The following DMGDH variants were observed in gnomAD, a reference collection of about 807,000 sequenced individuals.
DMGDH encodes the protein dimethylglycine dehydrogenase, also known as dimethylglycine dehydrogenase, mitochondrial.
DMGDH carries 76 observed loss-of-function variants against 95.2 expected under a neutral mutation model. That is an observed-to-expected ratio of 0.80 (90% confidence interval 0.66 to 0.97). The LOEUF (loss-of-function observed/expected upper bound fraction) is 0.97, where lower values mean the gene tolerates loss of function less well. Among genes scored for constraint, DMGDH ranks in the 50% least tolerant of loss-of-function variants. The pLI is 0.00. For synonymous variants in DMGDH, 345 were observed against 377.6 expected (o/e 0.91, Z 1.00); for missense variants, 987 against 1,055.0 (o/e 0.94, Z 0.89).
intron 14 of DMGDH, among the ~76,000 whole-genome samples, chr5:79,010,544 GTGA>G (rs891900262): frequency 6.6e-6 from 1 of 152,082 alleles, no homozygotes; most frequent in Admixed American, 6.6e-5. Context: ...TATACAATTG[GTGA>G]TGATGGAATG....
At chr5:79,011,797 C>T (rs1197891874) in intron 14 of DMGDH, among the ~76,000 whole-genome samples, 2 of 152,134 alleles carry the variant, frequency 1.3e-5, no homozygotes, top group African/African-American at 4.8e-5. Flanking sequence ...AACTCACTCA[C>T]TATTGCGAGG....
At chr5:79,020,123 T>G (rs978123081) in intron 14 of DMGDH, among the ~76,000 whole-genome samples, 1 of 152,216 alleles carries the variant, frequency 6.6e-6, no homozygotes, top group African/African-American at 2.4e-5. Flanking sequence ...TTCAGCCAGT[T>G]GAAAATCTTT....
chr5:79,005,451 CTG>C, intron 14 of DMGDH, 44 bp from the exon 15 acceptor site: 6 of 1,613,436 alleles, frequency 3.7e-6, no homozygotes, highest in Non-Finnish European at 5.1e-6. Flanking sequence ...TGCTCAGACA[CTG>C]TGACAAGGTT....
In DMGDH at chr5:79,033,302, T is replaced by A. The variant is rs373384566; in HGVS notation, c.1300A>T (p.Lys434Ter). ...TCAGTGTACTGGGTTGTTGTCCATTTGCCATAGCGATTAGGATCCAATTCT... is the reference window on the plus strand; with the variant it reads ...TCAGTGTACTGGGTTGTTGTCCATTAGCCATAGCGATTAGGATCCAATTCT... ...LIELDPNRYGKWTTTQYTEAK... is the reference protein window; with the variant it reads ...LIELDPNRYG Residue 434 changes from lysine (K) to a stop codon, truncating the protein, a stop_gained, in exon 8 of 16, where the codon AAA becomes TAA. Transcript: ENST00000255189. LOFTEE classifies it high-confidence loss of function. 202 of 1,614,060 alleles carry A rather than the reference T, an allele frequency of 1.3e-4. No individual in the cohort carries two copies. The highest frequency in any genetic ancestry group is 1.7e-4 in the Non-Finnish European group (200 of 1,180,032).
Position 79,044,510 on chromosome 5 carries a change from T to A in DMGDH, c.788A>T (p.His263Leu). 1 of 1,614,080 alleles carries A rather than the reference T, an allele frequency of 6.2e-7. No individual in the cohort carries two copies. The highest frequency in any genetic ancestry group is 8.5e-7 in the Non-Finnish European group (1 of 1,179,932). ...TTGATGTTGAACCGGAATGAGAGGA[T>A]GTTCTAGTCCAATCATTTTACCTAC... ...REVGKMIGLE[H>L]PLIPVQHQYV... is the part of the protein sequence containing the mutation. Residue 263 changes from histidine (H) to leucine (L), a missense_variant, in exon 6 of 16, where the codon CAT becomes CTT. His to Leu is a moderately conservative substitution (Grantham distance 99). Transcript: ENST00000255189.
At chr5:79,056,029 T>C (rs575556555) in intron 2 of DMGDH, 121 bp from the exon 3 acceptor site, 390 of 712,710 alleles carry the variant, frequency 5.5e-4, no homozygotes, top group Non-Finnish European at 8.8e-4. Context: ...AGCCAGTCCT[T>C]TGGGATGAGA....
At chr5:79,020,526 T>G (rs1224018145) in intron 14 of DMGDH, 1 of 276,564 alleles carries the variant, frequency 3.6e-6, no homozygotes, top group Admixed American at 6.5e-5. Context: ...ACACCTGGGG[T>G]GTGGAAGGCT....
At chr5:79,005,948 T>C (rs2112599942) in intron 14 of DMGDH, among the ~76,000 whole-genome samples, 1 of 152,270 alleles carries the variant, frequency 6.6e-6, no homozygotes, top group South Asian at 2.1e-4. Flanking sequence ...ATTGAGCCCC[T>C]ACTATGTGTG....
intron 10 of DMGDH, 34 bp downstream of exon 10, chr5:79,030,799 A>T (rs761736291): frequency 1.2e-6 from 2 of 1,610,962 alleles, no homozygotes; most frequent in Non-Finnish European, 1.7e-6. Context: ...ATAGGTCAGA[A>T]TCCTGGACCT....
intron 7 of DMGDH, among the ~76,000 whole-genome samples, chr5:79,041,905 C>T (rs1429710111): frequency 6.6e-6 from 1 of 152,160 alleles, no homozygotes; most frequent in Non-Finnish European, 1.5e-5. Context: ...GAGGCTGAGG[C>T]AGGAGAATCG....
intron 13 of DMGDH, among the ~76,000 whole-genome samples, chr5:79,024,817 A>G (rs1015924723): frequency 6.6e-6 from 1 of 152,266 alleles, no homozygotes; most frequent in Non-Finnish European, 1.5e-5. Context: ...GTATCTCTTC[A>G]AATGTGGCCA....
chr5:79,050,521 C>T (rs1754823607), intron 5 of DMGDH, among the ~76,000 whole-genome samples: 1 of 152,100 alleles, frequency 6.6e-6, no homozygotes, highest in South Asian at 2.1e-4. Flanking sequence ...CCAGTTTAGA[C>T]TGCACAAGCA....
rs776143222 is a variant in DMGDH at position 79,024,245 on chromosome 5, A to G, written c.2250+26T>C. On this transcript the variant is annotated intron_variant, in intron 14 of 15. Coordinates refer to ENST00000255189, the MANE Select transcript of DMGDH (RefSeq NM_013391.3). Reference sequence around the variant, plus strand: ...GCATCATAATGTTAAGATTTACTTCAAGCACACTTTGGAATGTAAACATAC... The same window carrying G: ...GCATCATAATGTTAAGATTTACTTCGAGCACACTTTGGAATGTAAACATAC... 6.2e-6 allele frequency: 10 copies of G among 1,603,394 alleles called. No individual in the cohort carries two copies. The South Asian group carries it at 1.1e-4, about 18-fold the overall frequency.
intron 5 of DMGDH, among the ~76,000 whole-genome samples, chr5:79,047,105 T>C (rs2112652458): frequency 1.3e-5 from 2 of 152,264 alleles, no homozygotes; most frequent in South Asian, 4.1e-4. Flanking sequence ...AACCTAAATC[T>C]AGCTAGAGTT....
At chr5:79,034,885 G>A (rs1346503767) in intron 7 of DMGDH, among the ~76,000 whole-genome samples, 1 of 151,436 alleles carries the variant, frequency 6.6e-6, no homozygotes. Context: ...GTGAAACCCC[G>A]TTTCTACTAA....
rs760922654 is a variant in DMGDH, at chr5:79,051,398, G to A, written c.634C>T (p.Leu212Phe). 4 of 1,614,094 alleles carry A rather than the reference G, an allele frequency of 2.5e-6. No individual in the cohort carries two copies. Among genetic ancestry groups the A allele is most frequent in the Non-Finnish European group, 2.5e-6 (3 of 1,180,010 alleles). The part of the protein sequence containing the change: ...LAAGARKCGA[L>F]LKYPAPVTSL... Reference sequence around the variant, plus strand: ...GTTACTGGTGCAGGATATTTTAAAAGGGCACCACATTTCCTAGCCCCAGCA... The same window carrying A: ...GTTACTGGTGCAGGATATTTTAAAAAGGCACCACATTTCCTAGCCCCAGCA... The change falls in exon 5 of 16, where the codon CTT (leucine) becomes TTT (phenylalanine). Residue 212 changes from leucine to phenylalanine, a missense_variant. By Grantham distance (22) the Leu-to-Phe change is conservative (BLOSUM62 0). Transcript: ENST00000255189.
At position 79,005,384 on chromosome 5, in the gene DMGDH, T is replaced by C. The variant is rs1753527478; in HGVS notation, c.2274A>G (p.Gln758=). Residue 758 remains glutamine, a synonymous_variant, in exon 15 of 16, where the codon CAA becomes CAG. Transcript: ENST00000255189. ...CCTTGGCTTTAATCTGTTTCAGTGCTTGCTTTCCTATGAAGTCTGCTGGCT... is the reference window on the plus strand; with the variant it reads ...CCTTGGCTTTAATCTGTTTCAGTGCCTGCTTTCCTATGAAGTCTGCTGGCT... ...LNKPADFIGK[Q]ALKQIKAKGL... is the part of the protein sequence containing the mutation. 1.2e-6 allele frequency: 2 copies of C among 1,614,128 alleles called. No individual in the cohort carries two copies. The highest frequency in any genetic ancestry group is 4.5e-5 in the East Asian group (2 of 44,882).
At chr5:79,065,833 G>T (rs1008101185) in intron 1 of DMGDH, among the ~76,000 whole-genome samples, 2 of 152,140 alleles carry the variant, frequency 1.3e-5, no homozygotes, top group Admixed American at 1.3e-4. Flanking sequence ...ATCACTGGGT[G>T]ATAGGAATTT....
intron 14 of DMGDH, among the ~76,000 whole-genome samples, chr5:79,007,978 T>C (rs1438766733): frequency 6.6e-6 from 1 of 152,174 alleles, no homozygotes; most frequent in Non-Finnish European, 1.5e-5. Flanking sequence ...TTTTCCTCAA[T>C]GTTTTAACAG....
Sources: gnomAD v4.1 joint callset for allele counts (sites outside exome capture counted in the v4.1 genomes callset) on GRCh38, gnomAD v4.1.1 for gene constraint, MANE v1.5 for transcripts, NCBI Gene and HGNC (gene_info 2026-07-23, HGNC 2026-07-21) for gene names.